CIP2A: variants seen among roughly 807,000 people sequenced by gnomAD.
CIP2A encodes the protein cellular inhibitor of PP2A.
In CIP2A, 103 loss-of-function variants were observed where a neutral mutation model predicts 110.9. The observed-to-expected ratio is 0.93, with a 90% CI of 0.79 to 1.09. The LOEUF is 1.09. CIP2A is among the 50% of genes least tolerant of loss of function. CIP2A has a pLI of 0.00. For synonymous variants in CIP2A, 381 were observed against 361.6 expected (o/e 1.05, Z -0.61); for missense variants, 1,088 against 1,038.4 (o/e 1.05, Z -0.66).
rs1056762079 is a variant in CIP2A at position 108,551,202 on chromosome 3, G to A, written c.2665C>T (p.His889Tyr). 6.2e-7 allele frequency: 1 copy of A among 1,609,530 alleles called. No homozygotes were observed. The highest frequency in any genetic ancestry group is 1.1e-5 in the South Asian group (1 of 90,666). ...TTTATTTTTCCACCACTTAAACTGT[G>A]GATCATTGCTATCATGTGGGAGTGT... is the stretch of plus-strand genomic sequence containing the variant. ...NKHSHMIAMI[H>Y]SLSGGKINPE... is the part of the protein sequence containing the mutation. Residue 889 changes from histidine (H) to tyrosine (Y), a missense_variant, in exon 21 of 21, where the codon CAC becomes TAC. Coordinates refer to ENST00000295746, the MANE Select transcript of CIP2A (RefSeq NM_020890.3).
intron 11 of CIP2A, among the ~76,000 whole-genome samples, 186 bp from the exon 12 acceptor site, chr3:108,565,640 GAACA>G (rs1173686823): frequency 1.3e-5 from 2 of 151,734 alleles, no homozygotes; most frequent in African/African-American, 4.8e-5. Context: ...GATCCAAAGA[GAACA>G]AACTGGCATT....
Position 108,559,838 on chromosome 3 carries a change from C to T in CIP2A, c.1932G>A (p.Leu644=). Residue 644 remains leucine (L), a synonymous_variant, in exon 16 of 21, where the codon TTG becomes TTA. Transcript: ENST00000295746. ...GTGCAAGGGCTAGAGCTTTTGTTTC[C>T]AAAAGATCTTGTAGCCTGCTTTCTT... The part of the protein sequence containing the change: ...ASKESRLQDL[L]ETKALALAQA... 1 of 1,606,966 alleles carries T rather than the reference C, an allele frequency of 6.2e-7. No individual in the cohort carries two copies. The highest frequency in any genetic ancestry group is 1.1e-5 in the South Asian group (1 of 90,342).
intron 1 of CIP2A, chr3:108,585,620 A>G: frequency 2.2e-6 from 1 of 452,856 alleles, no homozygotes; most frequent in South Asian, 1.6e-5. Context: ...GCACTCTAGT[A>G]CCAATATATT....
rs548185099 is a variant in CIP2A at position 108,551,807 on chromosome 3, C to T, written c.2547+427G>A. On this transcript the variant is annotated intron_variant, in intron 20 of 20. Transcript: ENST00000295746. ...AACCATGGTAATATAGAAAGAACCC[C>T]GGACTCAGATTCAGAATATATACCT... Among the ~76,000 whole-genome samples, 394 of 152,124 alleles carry T rather than the reference C, an allele frequency of 2.6e-3. 1 individual carries two copies. The highest frequency in any genetic ancestry group is 6.8e-3 in the Middle Eastern group (2 of 294).
At chr3:108,585,333 C>G (rs1425004315) in intron 1 of CIP2A, 121 bp from the exon 2 acceptor site, 2 of 880,524 alleles carry the variant, frequency 2.3e-6, no homozygotes, top group Non-Finnish European at 3.4e-6. Context: ...TTAAAAAATT[C>G]ACACATGCTG....
At position 108,582,111 on chromosome 3, in the gene CIP2A, T is replaced by G. The variant is rs770488158; in HGVS notation, c.449A>C (p.His150Pro). The G allele has an allele frequency of 3.7e-5, 52 of 1,387,190 alleles. No individual in the cohort carries two copies. Among genetic ancestry groups the G allele is most frequent in the Non-Finnish European group, 4.6e-5 (46 of 997,706 alleles). 85.9% of individuals were successfully genotyped at this position (1,387,190 alleles called of 1,614,324 possible). A position where few individuals can be genotyped will look rare whatever the true frequency, so the allele number is the denominator to read the frequency against. Reference sequence around the variant, plus strand: ...TTATGTTTGATTGCATACTCACATGTGATCTATCAGGAACGTAATTAATTC... The same window carrying G: ...TTATGTTTGATTGCATACTCACATGGGATCTATCAGGAACGTAATTAATTC... ...IDELITFLIDHIQSSEDELKM... is the reference protein window; with the variant it reads ...IDELITFLIDPIQSSEDELKM... Residue 150 changes from histidine (H) to proline (P), a missense_variant, in exon 4 of 21, where the codon CAC becomes CCC. Coordinates refer to ENST00000295746, the MANE Select transcript of CIP2A (RefSeq NM_020890.3).
intron 19 of CIP2A, among the ~76,000 whole-genome samples, chr3:108,553,137 T>G (rs1441356658): frequency 1.1e-4 from 15 of 142,074 alleles, no homozygotes; most frequent in African/African-American, 3.7e-4. Flanking sequence ...TTTTTTTTTT[T>G]TTTTTTTTTT....
At position 108,554,465 on chromosome 3, in the gene CIP2A, ATTC is replaced by A; in HGVS notation, c.2232_2234del (p.Lys744del). On this transcript the variant is annotated inframe_deletion, in exon 18 of 21. Coordinates refer to ENST00000295746, the MANE Select transcript of CIP2A (RefSeq NM_020890.3). ...AATCACATGTGATCTGTAAATCTTTATTCTTCTTTTCAGTACTTTCATTTCTGA... is the reference window on the plus strand; with the variant it reads ...AATCACATGTGATCTGTAAATCTTTATTCTTTTCAGTACTTTCATTTCTGA... The A allele has an allele frequency of 6.6e-7, 1 of 1,509,468 alleles. No homozygotes were observed. The highest frequency in any genetic ancestry group is 9.1e-7 in the Non-Finnish European group (1 of 1,096,524). 93.5% of individuals were successfully genotyped at this position (1,509,468 alleles called of 1,614,324 possible). A position where few individuals can be genotyped will look rare whatever the true frequency, so the allele number is the denominator to read the frequency against.
intron 7 of CIP2A, among the ~76,000 whole-genome samples, chr3:108,578,423 G>A (rs1052072041): frequency 1.3e-5 from 2 of 152,160 alleles, no homozygotes; most frequent in African/African-American, 4.8e-5. Context: ...ATGCTAAAGT[G>A]AATACTTCTT....
In CIP2A at chr3:108,559,751, A is replaced by G. The variant is rs1382683571; in HGVS notation, c.2013+6T>C. The G allele has an allele frequency of 6.5e-7, 1 of 1,533,986 alleles. No individual in the cohort carries two copies. The highest frequency in any genetic ancestry group is 2.3e-5 in the East Asian group (1 of 43,762). On this transcript the variant is annotated splice_donor_region_variant and intron_variant, in intron 16 of 20. Coordinates refer to ENST00000295746, the MANE Select transcript of CIP2A (RefSeq NM_020890.3). Reference sequence around the variant, plus strand: ...CAAATCAGATGTGTCTTTATATTCTACACACCTCTGTTTCAGCTTGAGTTC... The same window carrying G: ...CAAATCAGATGTGTCTTTATATTCTGCACACCTCTGTTTCAGCTTGAGTTC...
intron 2 of CIP2A, chr3:108,584,755 G>T (rs1408833088): frequency 1.4e-5 from 3 of 217,468 alleles, no homozygotes; most frequent in South Asian, 1.5e-4. Context: ...TATCCCCACC[G>T]CCCTGCCCCA....
intron 1 of CIP2A, among the ~76,000 whole-genome samples, chr3:108,586,489 T>C (rs1442482227): frequency 6.6e-6 from 1 of 152,166 alleles, no homozygotes; most frequent in Non-Finnish European, 1.5e-5. Context: ...CTAGGTAAAA[T>C]AAAAATTGCT....
At chr3:108,586,866 G>A (rs1207795844) in intron 1 of CIP2A, among the ~76,000 whole-genome samples, 2 of 152,134 alleles carry the variant, frequency 1.3e-5, no homozygotes, top group Non-Finnish European at 2.9e-5. Flanking sequence ...CACTCTGCAT[G>A]GGGCTATAAA....
chr3:108,575,107 T>C (rs767953235), intron 8 of CIP2A: 1 of 152,066 alleles, frequency 6.6e-6, no homozygotes, highest in Non-Finnish European at 1.5e-5. Flanking sequence ...CACCAATAAA[T>C]CATACTCCCT....
intron 8 of CIP2A, among the ~76,000 whole-genome samples, chr3:108,574,219 C>CA (rs1452403084): frequency 2.0e-5 from 3 of 151,936 alleles, no homozygotes; most frequent in Non-Finnish European, 4.4e-5. Context: ...ACAGACACGT[C>CA]AAAGAACATA....
rs1390361663 is a variant in CIP2A at position 108,569,673 on chromosome 3, T to TG, written c.895-67dup. The TG allele has an allele frequency of 1.9e-5, 22 of 1,174,976 alleles. No homozygotes were observed. In the Admixed American group the frequency reaches 2.0e-4, roughly 11 times the overall value. The allele number at this position is 1,174,976 out of a possible 1,614,324, so 72.8% of individuals were successfully genotyped here. ...AACTTTAATATACAAAGCAAGTGTA[T>TG]GATGAAGCTGAAAATGCTACATATT... is the stretch of plus-strand genomic sequence containing the variant. On this transcript the variant is annotated intron_variant, in intron 8 of 20. Transcript: ENST00000295746.
At chr3:108,570,269 T>C (rs1938343042) in intron 8 of CIP2A, among the ~76,000 whole-genome samples, 1 of 152,070 alleles carries the variant, frequency 6.6e-6, no homozygotes, top group Non-Finnish European at 1.5e-5. Context: ...TTCCAACTTT[T>C]TAAAAGTCTG....
chr3:108,571,697 T>C (rs1340831940), intron 8 of CIP2A, among the ~76,000 whole-genome samples: 1 of 152,138 alleles, frequency 6.6e-6, no homozygotes, highest in Non-Finnish European at 1.5e-5. Flanking sequence ...GTTAATGGCA[T>C]TTGGGTTATC....
chr3:108,576,558 A>G (rs1370549374), intron 7 of CIP2A, among the ~76,000 whole-genome samples: 5 of 152,230 alleles, frequency 3.3e-5, no homozygotes, highest in African/African-American at 9.6e-5. Flanking sequence ...CATTTATTAA[A>G]ACATAGTGAT....
Sources: allele counts gnomAD v4.1 joint callset (sites outside exome capture counted in the v4.1 genomes callset), GRCh38; gene constraint gnomAD v4.1.1; transcripts MANE v1.5; gene names NCBI Gene and HGNC (gene_info 2026-07-23, HGNC 2026-07-21).